Variants in SDCBP observed in about 807,000 individuals in gnomAD.
SDCBP encodes syntenin-1.
Under a neutral mutation model 30.5 loss-of-function variants are expected in SDCBP, and 22 were observed. The ratio of observed to expected loss-of-function variants is 0.72; its 90% CI spans 0.52 to 1.03. The LOEUF is 1.03. SDCBP is among the 50% of genes least tolerant of loss of function. The pLI is 0.00. For missense variants in SDCBP, 304 were observed against 369.9 expected (o/e 0.82, Z 1.46); for synonymous variants, 103 against 118.7 (o/e 0.87, Z 0.86).
chr8:58,582,458 T>G lies in SDCBP; in HGVS notation c.*718T>G, dbSNP rs1402407719. 1 of 152,652 alleles carries G rather than the reference T, an allele frequency of 6.6e-6. No homozygotes were observed. The highest frequency in any genetic ancestry group is 1.5e-5 in the Non-Finnish European group (1 of 68,060). The allele number at this position is 152,652 out of a possible 1,614,324, so 9.5% of individuals were successfully genotyped here. The stretch of plus-strand genomic sequence containing the variant: ...TAGCCCAGAACAGTTTAATGGTACT[T>G]ACTGAGCTATAGCATAGCTGCTTAG... On this transcript the variant is annotated 3_prime_UTR_variant, in exon 9 of 9. Transcript: ENST00000260130.
chr8:58,567,441 C>T (rs1804760553), intron 2 of SDCBP, among the ~76,000 whole-genome samples: 1 of 152,138 alleles, frequency 6.6e-6, no homozygotes, highest in Non-Finnish European at 1.5e-5. Flanking sequence ...ACCTTCTGTC[C>T]TCACACATGC....
At chr8:58,578,685 T>C (rs1333482215) in intron 6 of SDCBP, among the ~76,000 whole-genome samples, 1 of 152,206 alleles carries the variant, frequency 6.6e-6, no homozygotes, top group Admixed American at 6.5e-5. Context: ...ATTTAGAACT[T>C]AAACATTTAG....
intron 1 of SDCBP, among the ~76,000 whole-genome samples, chr8:58,556,207 C>T (rs116685695): frequency 1.7e-3 from 263 of 152,334 alleles, no homozygotes; most frequent in African/African-American, 6.0e-3. Context: ...AGTTTTTCCA[C>T]GGACGGGATA....
chr8:58,567,666 G>A (rs538127610), intron 2 of SDCBP, among the ~76,000 whole-genome samples: 9 of 152,258 alleles, frequency 5.9e-5, no homozygotes, highest in African/African-American at 1.7e-4. Flanking sequence ...CAGTTTTGTC[G>A]TGCAAACATT....
At position 58,568,924 on chromosome 8, in the gene SDCBP, G is replaced by A. The variant is rs141220755; in HGVS notation, c.52-1963G>A. Among the ~76,000 whole-genome samples, 225 of 152,226 alleles carry A rather than the reference G, an allele frequency of 1.5e-3. 1 individual carries two copies. Among genetic ancestry groups the A allele is most frequent in the African/African-American group, 5.1e-3 (210 of 41,522 alleles). On this transcript the variant is annotated intron_variant, in intron 2 of 8. Transcript: ENST00000260130. The stretch of plus-strand genomic sequence containing the variant: ...TTTAGCGTCAGGATGTCGCTCTGTT[G>A]CCCAGGCTGGAGTACAGTGGCACAG...
chr8:58,572,315 G>A lies in SDCBP; in HGVS notation c.240+1G>A. On this transcript the variant is annotated splice_donor_variant, in intron 4 of 8. Coordinates refer to ENST00000260130, the MANE Select transcript of SDCBP (RefSeq NM_005625.4). LOFTEE classifies it high-confidence loss of function. ...GGTTTCTGGTGCACCACTTCAGGGG[G>A]TATGTATAGTGTAATTAATTTTGAT... is the stretch of plus-strand genomic sequence containing the variant. The A allele has an allele frequency of 1.2e-5, 19 of 1,558,862 alleles. No homozygotes were observed. Among genetic ancestry groups the A allele is most frequent in the Non-Finnish European group, 1.7e-5 (19 of 1,130,376 alleles).
At chr8:58,555,747 T>C (rs1241833708) in intron 1 of SDCBP, among the ~76,000 whole-genome samples, 6 of 151,848 alleles carry the variant, frequency 4.0e-5, no homozygotes, top group African/African-American at 1.5e-4. Flanking sequence ...TTTTTTCATT[T>C]TTTAGTTTTT....
chr8:58,582,032 T>C lies in SDCBP; in HGVS notation c.*292T>C, dbSNP rs1468463717. The stretch of plus-strand genomic sequence containing the variant: ...TGATGCTTTTATAAGCCATTGTGAT[T>C]AGGATGACTGTTACAGGCTTAGCTT... On this transcript the variant is annotated 3_prime_UTR_variant, in exon 9 of 9. Coordinates refer to ENST00000260130, the MANE Select transcript of SDCBP (RefSeq NM_005625.4). 2.6e-6 allele frequency: 1 copy of C among 389,114 alleles called. No homozygotes were observed. The highest frequency in any genetic ancestry group is 2.1e-5 in the African/African-American group (1 of 48,198). 24.1% of individuals were successfully genotyped at this position (389,114 alleles called of 1,614,324 possible).
At chr8:58,564,116 A>C (rs2129607598) in intron 1 of SDCBP, among the ~76,000 whole-genome samples, 1 of 152,324 alleles carries the variant, frequency 6.6e-6, no homozygotes, top group Non-Finnish European at 1.5e-5. Flanking sequence ...ACAAGGCTTA[A>C]CATCATGCCA....
At chr8:58,567,643 A>G (rs996192529) in intron 2 of SDCBP, among the ~76,000 whole-genome samples, 1 of 152,222 alleles carries the variant, frequency 6.6e-6, no homozygotes, top group Admixed American at 6.5e-5. Flanking sequence ...GTTCTGAGAA[A>G]TGCCTCATTA....
At chr8:58,579,051 G>A (rs756558576) in intron 6 of SDCBP, among the ~76,000 whole-genome samples, 4 of 152,210 alleles carry the variant, frequency 2.6e-5, no homozygotes, top group Non-Finnish European at 4.4e-5. Context: ...AACAACTCTA[G>A]AGGGACAGCT....
chr8:58,577,187 A>G (rs1273828708), intron 5 of SDCBP, among the ~76,000 whole-genome samples: 2 of 152,216 alleles, frequency 1.3e-5, no homozygotes, highest in Non-Finnish European at 2.9e-5. Flanking sequence ...GCATTTGTTC[A>G]TTTATGGGGT....
chr8:58,572,459 ATTTCTT>A (rs1805081853), intron 4 of SDCBP, 145 bp downstream of exon 4: 1 of 579,408 alleles, frequency 1.7e-6, no homozygotes, highest in Admixed American at 3.0e-5. Context: ...TTTGGATATC[ATTTCTT>A]ATATAGTCTA....
chr8:58,566,259 A>G (rs1804703811), intron 2 of SDCBP, among the ~76,000 whole-genome samples: 1 of 152,200 alleles, frequency 6.6e-6, no homozygotes, highest in South Asian at 2.1e-4. Context: ...TTAGCCATTA[A>G]TATGACATCA....
At chr8:58,573,445 A>C (rs921014485) in intron 4 of SDCBP, among the ~76,000 whole-genome samples, 2 of 152,246 alleles carry the variant, frequency 1.3e-5, no homozygotes, top group African/African-American at 4.8e-5. Context: ...ATGTAATTGC[A>C]GATAGCTAGC....
Position 58,570,904 on chromosome 8 carries a change from T to TGCAAACCC in SDCBP, c.70_77dup (p.Ala27GlnfsTer36), listed in dbSNP as rs1563510779. 16 of 1,613,264 alleles carry TGCAAACCC rather than the reference T, an allele frequency of 9.9e-6. No individual in the cohort carries two copies. Among genetic ancestry groups the TGCAAACCC allele is most frequent in the Non-Finnish European group, 1.4e-5 (16 of 1,179,428 alleles). On this transcript the variant is annotated frameshift_variant, in exon 3 of 9. Transcript: ENST00000260130. LOFTEE classifies it high-confidence loss of function. ...TTTTTCAGGCTCAAACTGCTTTTTC[T>TGCAAACCC]GCAAACCCTGCCAATCCAGCAATTT...
chr8:58,574,479 A>G (rs1438055179), intron 4 of SDCBP, among the ~76,000 whole-genome samples: 1 of 152,208 alleles, frequency 6.6e-6, no homozygotes, highest in East Asian at 1.9e-4. Context: ...ATGGATGCTT[A>G]GATCCCTTTG....
chr8:58,566,764 G>A (rs2129607746), intron 2 of SDCBP, among the ~76,000 whole-genome samples: 1 of 152,238 alleles, frequency 6.6e-6, no homozygotes, highest in East Asian at 1.9e-4. Flanking sequence ...TATTATGAAG[G>A]AAGGTAGTAT....
intron 6 of SDCBP, among the ~76,000 whole-genome samples, chr8:58,578,756 C>T (rs935002702): frequency 6.6e-6 from 1 of 152,182 alleles, no homozygotes; most frequent in African/African-American, 2.4e-5. Context: ...TAAGGGTAGA[C>T]GTATATTGCA....
Sources: allele counts gnomAD v4.1 joint callset (sites outside exome capture counted in the v4.1 genomes callset), GRCh38; gene constraint gnomAD v4.1.1; transcripts MANE v1.5; gene names NCBI Gene and HGNC (gene_info 2026-07-23, HGNC 2026-07-21).